The following PTGIS variants were observed in gnomAD, a reference collection of about 807,000 sequenced individuals.
The protein encoded by PTGIS is prostacyclin synthase.
Under a neutral mutation model 50.3 loss-of-function variants are expected in PTGIS, and 45 were observed. The observed-to-expected ratio is 0.90, with a 90% CI of 0.70 to 1.15. PTGIS has a LOEUF of 1.15. Among genes scored for constraint, PTGIS ranks in the 50% most tolerant of loss-of-function variants. PTGIS has a pLI of 0.00. For missense variants in PTGIS, 668 were observed against 661.3 expected, an observed-to-expected ratio of 1.01 and a Z score of -0.11; for synonymous variants, 260 against 267.7, an observed-to-expected ratio of 0.97 and a Z score of 0.28.
chr20:49,519,062 T>A (rs750821765), intron 6 of PTGIS, among the ~76,000 whole-genome samples: 55 of 152,204 alleles, frequency 3.6e-4, no homozygotes, highest in Non-Finnish European at 1.5e-4. Flanking sequence ...GTTTCAGTCC[T>A]GGCATTACCA....
At chr20:49,538,679 A>G (rs901823846) in intron 5 of PTGIS, among the ~76,000 whole-genome samples, 1 of 148,152 alleles carries the variant, frequency 6.7e-6, no homozygotes, top group Non-Finnish European at 1.5e-5. Context: ...TTATTTATTT[A>G]TTTATTTATT....
intron 6 of PTGIS, among the ~76,000 whole-genome samples, chr20:49,519,000 G>A (rs1981572085): frequency 6.6e-6 from 1 of 152,176 alleles, no homozygotes; most frequent in Non-Finnish European, 1.5e-5. Context: ...CGGGAAGGAA[G>A]AGAAGGATCA....
rs1601174076 is a variant in PTGIS at position 49,507,050 on chromosome 20, G to A, written c.*870C>T. On this transcript the variant is annotated 3_prime_UTR_variant, in exon 10 of 10. Transcript: ENST00000244043. ...TTTAAGTGAAGTCCAAACAAAACAC[G>A]TCTGCAGACTGGATCGTGATCACAG... 2.0e-5 allele frequency: 3 copies of A among 152,330 alleles called. No individual in the cohort carries two copies. The highest frequency in any genetic ancestry group is 1.9e-4 in the East Asian group (1 of 5,180). 9.4% of individuals were successfully genotyped at this position (152,330 alleles called of 1,614,324 possible).
chr20:49,539,170 G>A (rs1982157665), intron 5 of PTGIS, among the ~76,000 whole-genome samples: 1 of 152,164 alleles, frequency 6.6e-6, no homozygotes, highest in South Asian at 2.1e-4. Context: ...GGGAAGTGGT[G>A]GGCTGAGGCT....
At chr20:49,516,530 G>A (rs1981482309) in intron 6 of PTGIS, among the ~76,000 whole-genome samples, 1 of 152,224 alleles carries the variant, frequency 6.6e-6, no homozygotes, top group South Asian at 2.1e-4. Context: ...TGTCATGAGA[G>A]ATGCTCATGT....
chr20:49,566,938 A>G (rs1982913731), intron 1 of PTGIS, among the ~76,000 whole-genome samples: 1 of 152,256 alleles, frequency 6.6e-6, no homozygotes, highest in South Asian at 2.1e-4. Flanking sequence ...TAAGATGTTA[A>G]CAATAGGGAA....
intron 6 of PTGIS, among the ~76,000 whole-genome samples, chr20:49,523,006 G>A (rs1376741147): frequency 6.6e-6 from 1 of 152,056 alleles, no homozygotes; most frequent in East Asian, 1.9e-4. Context: ...CCTGGCGACA[G>A]AGCAAGACTC....
At chr20:49,557,912 CG>C (rs1473648580) in intron 1 of PTGIS, among the ~76,000 whole-genome samples, 5 of 152,098 alleles carry the variant, frequency 3.3e-5, no homozygotes, top group Admixed American at 6.6e-5. Context: ...ACCTTTCCCC[CG>C]CTTTAAGTAT....
At chr20:49,516,252 C>T (rs1039847271) in intron 6 of PTGIS, among the ~76,000 whole-genome samples, 1 of 152,058 alleles carries the variant, frequency 6.6e-6, no homozygotes, top group Non-Finnish European at 1.5e-5. Context: ...ACTTTCCTTG[C>T]AAATACCTTT....
chr20:49,567,994 G>A, intron 1 of PTGIS, 49 bp downstream of exon 1: 1 of 1,449,308 alleles, frequency 6.9e-7, no homozygotes, highest in South Asian at 1.3e-5. Context: ...CAGCCCGGGC[G>A]GGAGCCGCCC....
chr20:49,524,378 G>A (rs1981740301), intron 5 of PTGIS, 139 bp from the exon 6 acceptor site: 6 of 966,870 alleles, frequency 6.2e-6, no homozygotes, highest in Non-Finnish European at 9.1e-6. Context: ...TGGGAAAGAA[G>A]CTGCAGGACA....
chr20:49,529,017 T>C (rs1038194029), intron 5 of PTGIS, among the ~76,000 whole-genome samples: 2 of 152,216 alleles, frequency 1.3e-5, no homozygotes, highest in Non-Finnish European at 2.9e-5. Context: ...GGAAAATTCT[T>C]ATTTAAGTTG....
In PTGIS at chr20:49,547,966, G is replaced by A. The variant is rs45498106; in HGVS notation, c.252C>T (p.Asp84=). The A allele has an allele frequency of 0.011, 18,147 of 1,614,102 alleles. 332 individuals are homozygous for A. The highest frequency in any genetic ancestry group is 0.064 in the South Asian group (5,836 of 91,066). The stretch of plus-strand genomic sequence containing the variant: ...TGGTGCGAGGCTCCCACACCACCGC[G>A]TCGTAGGAGTGTGGGTCCAGGAGAA... ...VTVLLDPHSY[D]AVVWEPRTRL... is the part of the protein sequence containing the mutation. Residue 84 remains aspartate, a synonymous_variant, in exon 3 of 10, where the codon GAC becomes GAT. Coordinates refer to ENST00000244043, the MANE Select transcript of PTGIS (RefSeq NM_000961.4).
At chr20:49,546,944 A>G (rs1054703206) in intron 3 of PTGIS, among the ~76,000 whole-genome samples, 1 of 152,242 alleles carries the variant, frequency 6.6e-6, no homozygotes, top group Non-Finnish European at 1.5e-5. Flanking sequence ...TGATGACTCC[A>G]TATGTGGCTG....
chr20:49,566,532 A>G (rs1601209837), intron 1 of PTGIS, among the ~76,000 whole-genome samples: 1 of 152,204 alleles, frequency 6.6e-6, no homozygotes, highest in African/African-American at 2.4e-5. Flanking sequence ...ACAGTTGTAA[A>G]TTTCAGCTGA....
chr20:49,516,258 C>A (rs753048693), intron 6 of PTGIS, among the ~76,000 whole-genome samples: 2 of 152,074 alleles, frequency 1.3e-5, no homozygotes, highest in Non-Finnish European at 2.9e-5. Flanking sequence ...CTTGCAAATA[C>A]CTTTTAAACT....
chr20:49,562,689 A>G (rs1158388459), intron 1 of PTGIS, among the ~76,000 whole-genome samples: 2 of 152,136 alleles, frequency 1.3e-5, no homozygotes, highest in Non-Finnish European at 2.9e-5. Context: ...GTCAGATCCC[A>G]AGGCATCTTT....
At chr20:49,553,343 AAC>A (rs1344702354) in intron 1 of PTGIS, among the ~76,000 whole-genome samples, 2 of 152,116 alleles carry the variant, frequency 1.3e-5, no homozygotes, top group East Asian at 3.8e-4. Flanking sequence ...AAAAACAAAA[AAC>A]ACACATGTAT....
intron 4 of PTGIS, among the ~76,000 whole-genome samples, chr20:49,541,662 C>T (rs1219481907): frequency 6.6e-6 from 1 of 151,996 alleles, no homozygotes; most frequent in Non-Finnish European, 1.5e-5. Flanking sequence ...ATCTGGGAGG[C>T]GGAGGTTGCA....
Sources: gnomAD v4.1 joint callset for allele counts (sites outside exome capture counted in the v4.1 genomes callset) on GRCh38, gnomAD v4.1.1 for gene constraint, MANE v1.5 for transcripts, NCBI Gene and HGNC (gene_info 2026-07-23, HGNC 2026-07-21) for gene names.